RUNX1: variants seen among roughly 807,000 people sequenced by gnomAD.
The protein encoded by RUNX1 is RUNX family transcription factor 1, also known as runt-related transcription factor 1.
RUNX1 carries 19 observed loss-of-function variants against 42.8 expected under a neutral mutation model. The observed-to-expected ratio is 0.44, with a 90% CI of 0.31 to 0.65. The LOEUF (loss-of-function observed/expected upper bound fraction) is 0.65. RUNX1 is among the 30% of genes least tolerant of loss of function. The probability of loss-of-function intolerance (pLI) is 0.07; values close to 1 mark genes in which losing one functional copy is unlikely to be tolerated. For missense variants in RUNX1, 528 were observed against 672.0 expected (o/e 0.79, Z 2.37); for synonymous variants, 271 against 289.4 (o/e 0.94, Z 0.64).
intron 7 of RUNX1, among the ~76,000 whole-genome samples, chr21:34,808,624 G>A (rs965166907): frequency 1.3e-5 from 2 of 152,188 alleles, no homozygotes; most frequent in African/African-American, 4.8e-5. Context: ...ACAGGTGTGA[G>A]AGTTAATTAA....
At chr21:34,981,305 A>G (rs2058844702) in intron 2 of RUNX1, among the ~76,000 whole-genome samples, 4 of 152,258 alleles carry the variant, frequency 2.6e-5, no homozygotes, top group Admixed American at 2.6e-4. Flanking sequence ...CTGGTGACAG[A>G]ATGACAAATC....
At chr21:34,944,011 T>A (rs543788227) in intron 2 of RUNX1, among the ~76,000 whole-genome samples, 2 of 151,966 alleles carry the variant, frequency 1.3e-5, no homozygotes, top group South Asian at 4.2e-4. Context: ...CCCTCAAGAC[T>A]TTTTTTTACT....
At position 34,789,359 on chromosome 21, in the gene RUNX1, T is replaced by G. The variant is rs970977974; in HGVS notation, c.*2776A>C. 1 of 233,516 alleles carries G rather than the reference T, an allele frequency of 4.3e-6. No homozygotes were observed. Among genetic ancestry groups the G allele is most frequent in the African/African-American group, 2.2e-5 (1 of 45,274 alleles). 14.5% of individuals were successfully genotyped at this position (233,516 alleles called of 1,614,324 possible). ...GGGGGAAGAGAGGGAGGGAAATGTA[T>G]TTTCAGATAGTGAGAAAAAGAAAGA... On this transcript the variant is annotated 3_prime_UTR_variant, in exon 9 of 9. Coordinates refer to ENST00000675419, the MANE Select transcript of RUNX1 (RefSeq NM_001754.5).
At chr21:34,795,930 C>T (rs1412868765) in intron 8 of RUNX1, among the ~76,000 whole-genome samples, 3 of 152,210 alleles carry the variant, frequency 2.0e-5, no homozygotes, top group Non-Finnish European at 4.4e-5. Flanking sequence ...AATGACTCTG[C>T]CCATTATTCC....
chr21:35,014,839 T>G (rs2059148897), intron 2 of RUNX1, among the ~76,000 whole-genome samples: 1 of 152,224 alleles, frequency 6.6e-6, no homozygotes, highest in Non-Finnish European at 1.5e-5. Flanking sequence ...ATCACAGCAC[T>G]CACTGCTGCA....
intron 2 of RUNX1, among the ~76,000 whole-genome samples, chr21:34,918,247 G>A (rs1029585811): frequency 3.3e-5 from 5 of 152,120 alleles, no homozygotes; most frequent in Non-Finnish European, 7.3e-5. Flanking sequence ...TCCCTTGGGG[G>A]TGCTCATGAG....
chr21:34,963,108 G>A (rs9978027), intron 2 of RUNX1, among the ~76,000 whole-genome samples: 8,987 of 152,288 alleles, frequency 0.059, 326 homozygotes, highest in Middle Eastern at 0.092. Context: ...ACAGGGCTGG[G>A]ACTCTGGTGT....
At chr21:34,920,078 T>G (rs2058342331) in intron 2 of RUNX1, among the ~76,000 whole-genome samples, 2 of 152,192 alleles carry the variant, frequency 1.3e-5, no homozygotes, top group East Asian at 3.9e-4. Flanking sequence ...GTGTGGTGTG[T>G]GGACATAGCA....
intron 2 of RUNX1, among the ~76,000 whole-genome samples, chr21:34,904,264 G>T (rs2058200085): frequency 6.6e-6 from 1 of 152,052 alleles, no homozygotes; most frequent in Non-Finnish European, 1.5e-5. Flanking sequence ...TTTCTGTAGA[G>T]TTATCTTTTT....
At chr21:34,848,192 C>T (rs1363754760) in intron 6 of RUNX1, among the ~76,000 whole-genome samples, 1 of 152,204 alleles carries the variant, frequency 6.6e-6, no homozygotes, top group East Asian at 1.9e-4. Flanking sequence ...CCCAAGGAGG[C>T]TGAGGGTGGG....
chr21:34,874,610 C>CAAAAAAAAAAAAAAAAAAA (rs59950735), intron 5 of RUNX1, among the ~76,000 whole-genome samples: 3 of 25,300 alleles, frequency 1.2e-4, no homozygotes, highest in African/African-American at 6.9e-4. Context: ...AACTCTGTCT[C>CAAAAAAAAAAAAAAAAAAA]AAAAAAAAAA....
At chr21:34,922,241 T>C (rs919122509) in intron 2 of RUNX1, among the ~76,000 whole-genome samples, 8 of 152,116 alleles carry the variant, frequency 5.3e-5, no homozygotes, top group African/African-American at 1.9e-4. Flanking sequence ...AAGACAGCAG[T>C]TGTGCTTTGC....
chr21:34,858,715 C>A (rs2057528822), intron 6 of RUNX1, among the ~76,000 whole-genome samples: 2 of 152,124 alleles, frequency 1.3e-5, no homozygotes, highest in Non-Finnish European at 2.9e-5. Flanking sequence ...GGGTGCTGGG[C>A]AGTTCCACAG....
chr21:34,887,163 C>A (rs747474266), intron 3 of RUNX1, 67 bp from the exon 4 acceptor site: 2 of 1,572,658 alleles, frequency 1.3e-6, no homozygotes, highest in Non-Finnish European at 8.6e-7. Flanking sequence ...TACCAGACGG[C>A]GACAGGGGCG....
intron 2 of RUNX1, among the ~76,000 whole-genome samples, chr21:35,020,004 C>T (rs575101710): frequency 1.8e-4 from 28 of 152,170 alleles, no homozygotes; most frequent in South Asian, 1.0e-3. Context: ...TAGTCTTAGG[C>T]GGACCAGGAT....
chr21:35,013,559 A>G (rs2146920017), intron 2 of RUNX1, among the ~76,000 whole-genome samples: 1 of 152,334 alleles, frequency 6.6e-6, no homozygotes, highest in Admixed American at 6.5e-5. Flanking sequence ...AAAAAATAAT[A>G]AAACAAAGTG....
At chr21:34,945,180 T>G (rs960452421) in intron 2 of RUNX1, among the ~76,000 whole-genome samples, 4 of 152,234 alleles carry the variant, frequency 2.6e-5, no homozygotes, top group Admixed American at 2.0e-4. Flanking sequence ...AGATATGAAC[T>G]ATAGTATGCA....
At chr21:34,963,522 C>T (rs2058696050) in intron 2 of RUNX1, among the ~76,000 whole-genome samples, 1 of 152,142 alleles carries the variant, frequency 6.6e-6, no homozygotes, top group South Asian at 2.1e-4. Context: ...GCTGGTTGCA[C>T]TCAGAGGTTC....
At chr21:34,801,579 G>C (rs2056608635) in intron 7 of RUNX1, among the ~76,000 whole-genome samples, 2 of 151,904 alleles carry the variant, frequency 1.3e-5, no homozygotes, top group Admixed American at 6.5e-5. Context: ...CCATAACTTA[G>C]CTTTTCAGGT....
Sources: gnomAD v4.1 joint callset for allele counts (sites outside exome capture counted in the v4.1 genomes callset) on GRCh38, gnomAD v4.1.1 for gene constraint, MANE v1.5 for transcripts, NCBI Gene and HGNC (gene_info 2026-07-23, HGNC 2026-07-21) for gene names.